Variants in SLC25A21 observed in about 807,000 individuals in gnomAD.
The protein encoded by SLC25A21 is mitochondrial 2-oxodicarboxylate carrier.
Under a neutral mutation model 43.8 loss-of-function variants are expected in SLC25A21, and 47 were observed. The observed-to-expected ratio is 1.07, with a 90% CI of 0.85 to 1.37. The LOEUF (loss-of-function observed/expected upper bound fraction) is 1.37, where lower values mean the gene tolerates loss of function less well. SLC25A21 is among the 40% of genes most tolerant of loss of function. The pLI is 0.00. For missense variants in SLC25A21, 352 were observed against 350.2 expected (o/e 1.00, Z -0.04); for synonymous variants, 131 against 121.3 (o/e 1.08, Z -0.52).
intron 1 of SLC25A21, among the ~76,000 whole-genome samples, chr14:37,044,860 T>TA (rs1961554070): frequency 6.6e-6 from 1 of 152,250 alleles, no homozygotes; most frequent in Non-Finnish European, 1.5e-5. Flanking sequence ...ATTAAGGTAT[T>TA]AAATTGCCAT....
chr14:37,056,368 T>C (rs1188548629), intron 1 of SLC25A21, among the ~76,000 whole-genome samples: 1 of 151,598 alleles, frequency 6.6e-6, no homozygotes, highest in Admixed American at 6.6e-5. Flanking sequence ...CGGGCGCCTG[T>C]AGTCCCAGCT....
intron 1 of SLC25A21, among the ~76,000 whole-genome samples, chr14:37,055,706 G>A (rs756470331): frequency 1.3e-5 from 2 of 152,148 alleles, no homozygotes; most frequent in African/African-American, 2.4e-5. Flanking sequence ...CCAGACATGT[G>A]AGTGACCATC....
At chr14:37,044,438 AG>A (rs1961545084) in intron 1 of SLC25A21, among the ~76,000 whole-genome samples, 1 of 152,196 alleles carries the variant, frequency 6.6e-6, no homozygotes, top group Admixed American at 6.5e-5. Context: ...TTCAAACTAA[AG>A]GTACTCTTAT....
rs1033584124 is a variant in SLC25A21 at position 36,870,893 on chromosome 14, C to G, written c.119+4063G>C. On this transcript the variant is annotated intron_variant, in intron 2 of 9. Coordinates refer to ENST00000331299, the MANE Select transcript of SLC25A21 (RefSeq NM_030631.4). Reference sequence around the variant, plus strand: ...CACCATGTCCCTTCCTTCAGGCCAGCAGGAGTATCATATTTCTTCTCCTTC... The same window carrying G: ...CACCATGTCCCTTCCTTCAGGCCAGGAGGAGTATCATATTTCTTCTCCTTC... 40 of 152,118 alleles carry G rather than the reference C, an allele frequency of 2.6e-4. 1 individual carries two copies. The highest frequency in any genetic ancestry group is 2.5e-3 in the Admixed American group (38 of 15,266). 9.4% of individuals were successfully genotyped at this position (152,118 alleles called of 1,614,324 possible).
chr14:37,118,496 T>C (rs1230019037), intron 1 of SLC25A21, among the ~76,000 whole-genome samples: 1 of 152,228 alleles, frequency 6.6e-6, no homozygotes, highest in Non-Finnish European at 1.5e-5. Flanking sequence ...GTTCTGAATA[T>C]GTAAAGCTCT....
intron 1 of SLC25A21, among the ~76,000 whole-genome samples, chr14:37,095,702 C>T (rs1420833681): frequency 1.6e-4 from 25 of 151,716 alleles, no homozygotes; most frequent in Admixed American, 1.6e-3. Context: ...CAAGCCTGGG[C>T]AACATAGCAA....
At chr14:36,819,188 C>A (rs1999232) in intron 2 of SLC25A21, among the ~76,000 whole-genome samples, 330 of 151,980 alleles carry the variant, frequency 2.2e-3, no homozygotes, top group African/African-American at 7.5e-3. Context: ...GAGCCAGATA[C>A]CTATCTGCCG....
chr14:37,080,150 C>T (rs957363831), intron 1 of SLC25A21, among the ~76,000 whole-genome samples: 5 of 152,174 alleles, frequency 3.3e-5, no homozygotes, highest in African/African-American at 1.2e-4. Flanking sequence ...GCAGCCCAAA[C>T]AGACTAAACT....
At chr14:36,755,588 A>G (rs1594556468) in intron 3 of SLC25A21, among the ~76,000 whole-genome samples, 1 of 152,254 alleles carries the variant, frequency 6.6e-6, no homozygotes, top group East Asian at 1.9e-4. Context: ...TTGCTTTAAC[A>G]TTTCTAAACA....
At chr14:37,048,781 T>C (rs936708152) in intron 1 of SLC25A21, among the ~76,000 whole-genome samples, 1 of 152,210 alleles carries the variant, frequency 6.6e-6, no homozygotes, top group Non-Finnish European at 1.5e-5. Context: ...TAATGTATAG[T>C]GAGCACTGAA....
At chr14:37,094,694 T>G (rs574622077) in intron 1 of SLC25A21, among the ~76,000 whole-genome samples, 1 of 151,070 alleles carries the variant, frequency 6.6e-6, no homozygotes, top group Non-Finnish European at 1.5e-5. Context: ...AGATGACTAG[T>G]CCATTTTACA....
chr14:37,022,331 T>A (rs77931606), intron 1 of SLC25A21, among the ~76,000 whole-genome samples: 216 of 152,086 alleles, frequency 1.4e-3, no homozygotes, highest in African/African-American at 4.9e-3. Flanking sequence ...TTTTCAATGT[T>A]TCACAATAAA....
intron 1 of SLC25A21, among the ~76,000 whole-genome samples, chr14:37,086,533 A>T (rs531991486): frequency 6.6e-6 from 1 of 152,342 alleles, no homozygotes; most frequent in South Asian, 2.1e-4. Flanking sequence ...AAGGATCCTC[A>T]ACTACTTAAC....
At chr14:37,117,372 A>G (rs990386758) in intron 1 of SLC25A21, among the ~76,000 whole-genome samples, 26 of 152,170 alleles carry the variant, frequency 1.7e-4, no homozygotes, top group African/African-American at 6.0e-4. Context: ...GTGGCTCAGT[A>G]AAGTGTTTTG....
chr14:36,754,949 T>C (rs573445362), intron 3 of SLC25A21, among the ~76,000 whole-genome samples: 1 of 152,262 alleles, frequency 6.6e-6, no homozygotes, highest in South Asian at 2.1e-4. Flanking sequence ...GAAAACTCAA[T>C]ACACAGTTAA....
chr14:36,971,500 A>G (rs73256222), intron 1 of SLC25A21, among the ~76,000 whole-genome samples: 15,926 of 152,012 alleles, frequency 0.1, 2,269 homozygotes, highest in African/African-American at 0.32. Context: ...CCTGCGTCCT[A>G]TGTAAATATC....
At chr14:36,809,744 C>T (rs1164347208) in intron 3 of SLC25A21, among the ~76,000 whole-genome samples, 2 of 152,100 alleles carry the variant, frequency 1.3e-5, no homozygotes, top group African/African-American at 4.8e-5. Flanking sequence ...GACAAGCTCT[C>T]AAAACCTTTA....
At chr14:36,859,607 T>A (rs1003367467) in intron 2 of SLC25A21, among the ~76,000 whole-genome samples, 1 of 152,118 alleles carries the variant, frequency 6.6e-6, no homozygotes, top group Non-Finnish European at 1.5e-5. Flanking sequence ...AGATGACAGT[T>A]TGTAGGTATC....
At chr14:36,730,558 C>G (rs1480248641) in intron 4 of SLC25A21, among the ~76,000 whole-genome samples, 2 of 152,196 alleles carry the variant, frequency 1.3e-5, no homozygotes, top group East Asian at 1.9e-4. Flanking sequence ...CAAAAATACT[C>G]TGTTGTTAGG....
Sources: gnomAD v4.1 joint callset for allele counts (sites outside exome capture counted in the v4.1 genomes callset) on GRCh38, gnomAD v4.1.1 for gene constraint, MANE v1.5 for transcripts, NCBI Gene and HGNC (gene_info 2026-07-23, HGNC 2026-07-21) for gene names.